SRPRB: variants seen among roughly 807,000 people sequenced by gnomAD.
SRPRB encodes the protein signal recognition particle receptor subunit beta.
In SRPRB, 20 loss-of-function variants were observed where a neutral mutation model predicts 31.9. The observed-to-expected ratio is 0.63, with a 90% CI of 0.44 to 0.91. The LOEUF (loss-of-function observed/expected upper bound fraction) is 0.91. Among genes scored for constraint, SRPRB ranks in the 40% least tolerant of loss-of-function variants. SRPRB has a pLI of 0.00. For synonymous variants in SRPRB, 146 were observed against 132.8 expected (o/e 1.10, Z -0.68); for missense variants, 321 against 324.9 (o/e 0.99, Z 0.09).
rs768360483 is a variant in SRPRB, at chr3:133,820,668, G to C, written c.*902G>C. On this transcript the variant is annotated 3_prime_UTR_variant, in exon 7 of 7. Coordinates refer to ENST00000678299, the MANE Select transcript of SRPRB (RefSeq NM_001379313.1). ...TCATTGATGCCAAGAAAAAAAAAAA[G>C]TTGCCTTTTTGAAGTGATGTTTTTT... is the stretch of plus-strand genomic sequence containing the variant. 8.0e-5 allele frequency: 12 copies of C among 150,494 alleles called. No homozygotes were observed. The highest frequency in any genetic ancestry group is 1.5e-4 in the Non-Finnish European group (10 of 67,592). 9.3% of individuals were successfully genotyped at this position (150,494 alleles called of 1,614,324 possible). A position where few individuals can be genotyped will look rare whatever the true frequency, so the allele number is the denominator to read the frequency against.
At chr3:133,785,065 C>T (rs1342829670) in intron 1 of SRPRB, 1 of 121,198 alleles carries the variant, frequency 8.3e-6, no homozygotes, top group African/African-American at 3.0e-5. Context: ...CCCGGCCGCC[C>T]CTACTGGGAA....
chr3:133,801,682 G>A (rs1935064899), upstream of SRPRB, among the ~76,000 whole-genome samples: 1 of 152,088 alleles, frequency 6.6e-6, no homozygotes, highest in South Asian at 2.1e-4. Context: ...AATATCCAGT[G>A]ATTTTTCTAA....
At chr3:133,807,573 A>G (rs1039657207) in intron 2 of SRPRB, among the ~76,000 whole-genome samples, 173 bp from the exon 3 acceptor site, 5 of 152,206 alleles carry the variant, frequency 3.3e-5, no homozygotes, top group Admixed American at 2.0e-4. Flanking sequence ...GGAGTAAAAT[A>G]TGCAATTAAT....
At chr3:133,823,324 G>A (rs560518855), downstream of SRPRB, among the ~76,000 whole-genome samples, 12 of 152,202 alleles carry the variant, frequency 7.9e-5, no homozygotes, top group Admixed American at 3.3e-4. Flanking sequence ...CAGTGGTGCC[G>A]TCTCGGCTCA....
chr3:133,815,835 C>T lies in SRPRB; in HGVS notation c.547+109C>T, dbSNP rs866339082. 2.9e-5 allele frequency: 37 copies of T among 1,274,286 alleles called. No homozygotes were observed. In the African/African-American group the frequency reaches 4.3e-4, roughly 15 times the overall value. The allele number at this position is 1,274,286 out of a possible 1,614,324, so 78.9% of individuals were successfully genotyped here. ...TATTATTGAGGATGAGATACAATTG[C>T]TGTAAAGAACTATAAATTGAAGGAT... is the stretch of plus-strand genomic sequence containing the variant. On this transcript the variant is annotated intron_variant, in intron 5 of 6. Transcript: ENST00000678299.
chr3:133,805,571 A>T, upstream of SRPRB: 2 of 316,018 alleles, frequency 6.3e-6, no homozygotes, highest in East Asian at 5.1e-5. Flanking sequence ...TATTCATTTC[A>T]TCATTCTTTC....
At position 133,805,842 on chromosome 3, in the gene SRPRB, C is replaced by T. The variant is rs1262350511; in HGVS notation, c.-7C>T. 11 of 1,605,720 alleles carry T rather than the reference C, an allele frequency of 6.9e-6. No homozygotes were observed. The highest frequency in any genetic ancestry group is 8.5e-6 in the Non-Finnish European group (10 of 1,175,960). The stretch of plus-strand genomic sequence containing the variant: ...TTTTGCTGTACCGGGGACCACGCGT[C>T]TCATCCATGGCTTCCGCGGACTCGC... On this transcript the variant is annotated 5_prime_UTR_variant, in exon 1 of 7. Coordinates refer to ENST00000678299, the MANE Select transcript of SRPRB (RefSeq NM_001379313.1).
Position 133,806,639 on chromosome 3 carries a change from GCAGT to G in SRPRB, c.189_192del (p.Ser63ArgfsTer22). ...TGGAAGTTAATCCGGAGCAGAAGGAGCAGTCAGAGAGCTGTTCTTCTTGTTGGCC... is the reference window on the plus strand; with the variant it reads ...TGGAAGTTAATCCGGAGCAGAAGGAGCAGAGAGCTGTTCTTCTTGTTGGCC... On this transcript the variant is annotated frameshift_variant, in exon 2 of 7. Transcript: ENST00000678299. LOFTEE classifies it high-confidence loss of function. 1 of 1,614,158 alleles carries G rather than the reference GCAGT, an allele frequency of 6.2e-7. No individual in the cohort carries two copies. The highest frequency in any genetic ancestry group is 8.5e-7 in the Non-Finnish European group (1 of 1,179,984).
intron 3 of SRPRB, among the ~76,000 whole-genome samples, chr3:133,808,560 A>G (rs560994910): frequency 3.9e-4 from 59 of 152,146 alleles, no homozygotes; most frequent in Non-Finnish European, 7.9e-4. Context: ...GCTGCAATGG[A>G]TATCTTACAG....
At chr3:133,815,091 T>C (rs955591189) in intron 4 of SRPRB, among the ~76,000 whole-genome samples, 28 of 152,204 alleles carry the variant, frequency 1.8e-4, no homozygotes, top group Non-Finnish European at 3.5e-4. Context: ...GTATCCCTTA[T>C]CCAAAATGCT....
Position 133,786,331 on chromosome 3 carries a change from T to A in SRPRB, c.-174+2187T>A, listed in dbSNP as rs564003361. 40 of 152,198 alleles carry A rather than the reference T, an allele frequency of 2.6e-4. 1 individual carries two copies. The highest frequency in any genetic ancestry group is 8.0e-4 in the African/African-American group (33 of 41,500). The allele number at this position is 152,198 out of a possible 1,614,324, so 9.4% of individuals were successfully genotyped here. A position where few individuals can be genotyped will look rare whatever the true frequency, so the allele number is the denominator to read the frequency against. ...ATAGTAAAATAACACATTTTGTAAA[T>A]CTTTTTGTTAAAATTCATATGTAAT... On this transcript the variant is annotated intron_variant, in intron 1 of 7. Coordinates refer to the SRPRB transcript ENST00000466490.
At chr3:133,809,479 G>A (rs532965557) in intron 3 of SRPRB, among the ~76,000 whole-genome samples, 3 of 151,884 alleles carry the variant, frequency 2.0e-5, no homozygotes, top group South Asian at 2.1e-4. Context: ...ATATCTTAGC[G>A]ATATCTTTGT....
chr3:133,785,457 C>G (rs1168035869), intron 1 of SRPRB: 1 of 129,518 alleles, frequency 7.7e-6, no homozygotes, highest in Non-Finnish European at 1.7e-5. Context: ...GGGGGGTCAG[C>G]CCCCCGCCCG....
chr3:133,824,791 G>T (rs1326757838), downstream of SRPRB: 9 of 152,142 alleles, frequency 5.9e-5, no homozygotes, highest in Non-Finnish European at 1.5e-5. Flanking sequence ...AAAGAGTAGA[G>T]ATGGTCTGAG....
At chr3:133,797,940 G>C (rs1226407379) in intron 1 of SRPRB, among the ~76,000 whole-genome samples, 4 of 152,158 alleles carry the variant, frequency 2.6e-5, no homozygotes, top group Non-Finnish European at 5.9e-5. Context: ...GGGAGAAGGG[G>C]AAGGGTGAAG....
chr3:133,817,577 A>G (rs562931999), intron 6 of SRPRB, among the ~76,000 whole-genome samples: 1 of 152,314 alleles, frequency 6.6e-6, no homozygotes, highest in South Asian at 2.1e-4. Context: ...CTTCTGCGTT[A>G]TGCCAATTTG....
At chr3:133,786,412 T>C (rs540053456) in intron 1 of SRPRB, 1 of 152,286 alleles carries the variant, frequency 6.6e-6, no homozygotes, top group African/African-American at 2.4e-5. Flanking sequence ...ACATTGTGTT[T>C]GTGCACTGGT....
intron 1 of SRPRB, among the ~76,000 whole-genome samples, chr3:133,806,228 G>C (rs988083364): frequency 3.3e-5 from 5 of 152,182 alleles, no homozygotes; most frequent in African/African-American, 4.8e-5. Flanking sequence ...GGTCCTTGGG[G>C]CGCAGATTGC....
At chr3:133,821,959 A>T (rs1935481742), downstream of SRPRB, among the ~76,000 whole-genome samples, 1 of 152,148 alleles carries the variant, frequency 6.6e-6, no homozygotes, top group Non-Finnish European at 1.5e-5. Flanking sequence ...AGTAGCAGGC[A>T]TTCCGTTCTT....
Sources: gnomAD v4.1 joint callset for allele counts (sites outside exome capture counted in the v4.1 genomes callset) on GRCh38, gnomAD v4.1.1 for gene constraint, MANE v1.5 for transcripts, NCBI Gene and HGNC (gene_info 2026-07-23, HGNC 2026-07-21) for gene names.